SPAG6: variants seen among roughly 807,000 people sequenced by gnomAD.
SPAG6 encodes the protein sperm associated antigen 6.
Under a neutral mutation model 58.5 loss-of-function variants are expected in SPAG6, and 49 were observed. The ratio of observed to expected loss-of-function variants is 0.84; its 90% CI spans 0.67 to 1.06. The LOEUF (loss-of-function observed/expected upper bound fraction) is 1.06. Ranked by LOEUF, SPAG6 falls within the 50% of genes least tolerant of loss-of-function variation. The probability of loss-of-function intolerance (pLI) is 0.00; values close to 1 mark genes in which losing one functional copy is unlikely to be tolerated. For synonymous variants in SPAG6, 233 were observed against 225.6 expected (o/e 1.03, Z -0.29); for missense variants, 560 against 611.3 (o/e 0.92, Z 0.89).
chr10:22,395,397 T>G (rs1237958936), intron 8 of SPAG6, among the ~76,000 whole-genome samples: 2 of 152,184 alleles, frequency 1.3e-5, no homozygotes, highest in African/African-American at 4.8e-5. Context: ...CTTGTTATTA[T>G]CTTTATTTTT....
chr10:22,383,974 G>T lies in SPAG6; in HGVS notation c.473-2780G>T, dbSNP rs544948878. On this transcript the variant is annotated intron_variant, in intron 4 of 10. Transcript: ENST00000376624. ...AGAGAGGAAGGAATTATATCAGGAT[G>T]TTTTTAGCTGTAAGTTGTAGCATGT... Among the ~76,000 whole-genome samples the T allele has an allele frequency of 3.0e-4, 45 of 152,332 alleles. 1 individual carries two copies. Among genetic ancestry groups the T allele is most frequent in the Admixed American group, 2.9e-3 (45 of 15,298 alleles).
chr10:22,405,145 T>C (rs549073265), intron 9 of SPAG6, among the ~76,000 whole-genome samples: 2 of 152,128 alleles, frequency 1.3e-5, no homozygotes. Flanking sequence ...TCCTGCCTAA[T>C]TGCCCTGGCC....
At chr10:22,405,567 A>G (rs1834531354) in intron 9 of SPAG6, among the ~76,000 whole-genome samples, 2 of 150,160 alleles carry the variant, frequency 1.3e-5, no homozygotes, top group African/African-American at 4.9e-5. Context: ...TTTTGCATCA[A>G]TGTTCATCAA....
At chr10:22,386,264 A>G (rs1834060833) in intron 4 of SPAG6, among the ~76,000 whole-genome samples, 1 of 152,186 alleles carries the variant, frequency 6.6e-6, no homozygotes, top group African/African-American at 2.4e-5. Flanking sequence ...TTTTAAAAGT[A>G]CTACAAGATA....
intron 2 of SPAG6, among the ~76,000 whole-genome samples, chr10:22,352,661 G>T (rs755432056): frequency 1.3e-5 from 2 of 152,152 alleles, no homozygotes; most frequent in Non-Finnish European, 2.9e-5. Flanking sequence ...GGGATTACTG[G>T]CATGTGCCAC....
At chr10:22,396,572 C>T (rs909490564) in intron 8 of SPAG6, among the ~76,000 whole-genome samples, 1 of 152,170 alleles carries the variant, frequency 6.6e-6, no homozygotes, top group African/African-American at 2.4e-5. Flanking sequence ...CAATAATCCA[C>T]TAAGGAAAGC....
chr10:22,374,253 A>G (rs1485573672), intron 4 of SPAG6, among the ~76,000 whole-genome samples: 1 of 152,174 alleles, frequency 6.6e-6, no homozygotes, highest in East Asian at 1.9e-4. Context: ...ATCAAAATGT[A>G]CTTGAGGCAT....
intron 10 of SPAG6, among the ~76,000 whole-genome samples, chr10:22,411,838 A>ATTTTTTTTTTTTT (rs1283503992): frequency 7.5e-6 from 1 of 132,714 alleles, no homozygotes; most frequent in African/African-American, 3.4e-5. Context: ...AAACAACTGA[A>ATTTTTTTTTTTTT]TCTTTTTTTT....
Position 22,387,864 on chromosome 10 carries a change from C to A in SPAG6, c.720C>A (p.Ser240=). 1 of 1,613,076 alleles carries A rather than the reference C, an allele frequency of 6.2e-7. No homozygotes were observed. Among genetic ancestry groups the A allele is most frequent in the Non-Finnish European group, 8.5e-7 (1 of 1,179,594 alleles). Residue 240 remains serine, a synonymous_variant, in exon 6 of 11, where the codon TCC becomes TCA. Transcript: ENST00000376624. The part of the protein sequence containing the change: ...LSALSQVSKH[S]VDLAEMVVEA... ...CTCTCAGTCAGGTTTCAAAACATTC[C>A]GTGGATCTGGCAGAAATGGTTGTTG...
At chr10:22,362,263 C>T (rs1327120849) in intron 2 of SPAG6, among the ~76,000 whole-genome samples, 1 of 148,364 alleles carries the variant, frequency 6.7e-6, no homozygotes, top group Non-Finnish European at 1.5e-5. Context: ...AATAAAAAGC[C>T]CAGAATAATC....
Position 22,391,883 on chromosome 10 carries a change from A to G in SPAG6, c.1160A>G (p.Tyr387Cys). The G allele has an allele frequency of 1.9e-6, 3 of 1,613,318 alleles. No homozygotes were observed. The highest frequency in any genetic ancestry group is 2.5e-6 in the Non-Finnish European group (3 of 1,179,618). Residue 387 changes from tyrosine to cysteine, a missense_variant, in exon 8 of 11, where the codon TAC becomes TGC. Transcript: ENST00000376624. ...TNTLPVLLSL[Y>C]MSTESSEDLQ... The stretch of plus-strand genomic sequence containing the variant: ...ACTTTGCCAGTTCTGCTTTCTTTGT[A>G]CATGTCAACAGAAAGTTCTGAGGAT...
At chr10:22,363,053 A>T (rs1837087760) in intron 2 of SPAG6, among the ~76,000 whole-genome samples, 1 of 152,210 alleles carries the variant, frequency 6.6e-6, no homozygotes, top group Non-Finnish European at 1.5e-5. Context: ...AAAATGGCTC[A>T]GCTGCTGTGG....
At chr10:22,371,903 A>G (rs1226346344) in intron 4 of SPAG6, among the ~76,000 whole-genome samples, 2 of 152,066 alleles carry the variant, frequency 1.3e-5, no homozygotes, top group African/African-American at 4.8e-5. Context: ...ACAACCAGAA[A>G]TGGTGGGGTT....
At chr10:22,412,712 C>A (rs926802020) in intron 10 of SPAG6, 1 of 401,280 alleles carries the variant, frequency 2.5e-6, no homozygotes, top group African/African-American at 2.1e-5. Flanking sequence ...GCTGGGACTA[C>A]AGGCACACGC....
chr10:22,354,625 A>G (rs1836816386), intron 2 of SPAG6, among the ~76,000 whole-genome samples: 1 of 152,246 alleles, frequency 6.6e-6, no homozygotes, highest in Non-Finnish European at 1.5e-5. Flanking sequence ...TATCTGGAGT[A>G]TAATGCAAAT....
intron 8 of SPAG6, among the ~76,000 whole-genome samples, chr10:22,399,153 T>C (rs1307899103): frequency 6.6e-6 from 1 of 152,242 alleles, no homozygotes; most frequent in African/African-American, 2.4e-5. Context: ...TATTGAGATA[T>C]AATTTACATA....
intron 8 of SPAG6, among the ~76,000 whole-genome samples, chr10:22,393,141 G>A (rs1588663964): frequency 6.6e-6 from 1 of 152,240 alleles, no homozygotes; most frequent in East Asian, 1.9e-4. Context: ...TCCAAGCACA[G>A]CTGATATACA....
chr10:22,412,071 G>A (rs1174990435), intron 10 of SPAG6, among the ~76,000 whole-genome samples: 1 of 151,866 alleles, frequency 6.6e-6, no homozygotes, highest in Non-Finnish European at 1.5e-5. Context: ...GGTTGGTCTC[G>A]ATATCCTGAC....
intron 10 of SPAG6, chr10:22,412,423 C>G: frequency 4.3e-6 from 6 of 1,396,094 alleles, no homozygotes; most frequent in Non-Finnish European, 4.9e-6. Flanking sequence ...AATTTGTTTT[C>G]TATCCACATA....
Sources: gnomAD v4.1 joint callset for allele counts (sites outside exome capture counted in the v4.1 genomes callset) on GRCh38, gnomAD v4.1.1 for gene constraint, MANE v1.5 for transcripts, NCBI Gene and HGNC (gene_info 2026-07-23, HGNC 2026-07-21) for gene names.